KCNQ5: variants seen among roughly 807,000 people sequenced by gnomAD.
The protein encoded by KCNQ5 is potassium voltage-gated channel subfamily Q member 5, also known as potassium voltage-gated channel subfamily KQT member 5.
In KCNQ5, 30 loss-of-function variants were observed where a neutral mutation model predicts 98.2. The ratio of observed to expected loss-of-function variants is 0.31; its 90% CI spans 0.23 to 0.41. KCNQ5 has a LOEUF of 0.41. Among genes scored for constraint, KCNQ5 ranks in the 10% least tolerant of loss-of-function variants. The pLI, the probability that KCNQ5 is intolerant of heterozygous loss-of-function variation, is 1.00. For synonymous variants in KCNQ5, 458 were observed against 449.4 expected (o/e 1.02, Z -0.24); for missense variants, 835 against 1,182.5 (o/e 0.71, Z 4.31).
At chr6:72,812,923 G>A (rs987528814) in intron 1 of KCNQ5, among the ~76,000 whole-genome samples, 2 of 152,104 alleles carry the variant, frequency 1.3e-5, no homozygotes, top group African/African-American at 2.4e-5. Flanking sequence ...TCTAATTTAC[G>A]TGGATTAAAA....
At chr6:72,911,290 T>A (rs1282855852) in intron 1 of KCNQ5, among the ~76,000 whole-genome samples, 1 of 152,060 alleles carries the variant, frequency 6.6e-6, no homozygotes, top group Non-Finnish European at 1.5e-5. Flanking sequence ...GCCATTAGGG[T>A]GGAGCCCTGA....
At chr6:72,753,282 C>A (rs1441202420) in intron 1 of KCNQ5, among the ~76,000 whole-genome samples, 1 of 151,782 alleles carries the variant, frequency 6.6e-6, no homozygotes, top group Non-Finnish European at 1.5e-5. Flanking sequence ...GTGTATCATT[C>A]CCTTATTTCT....
intron 1 of KCNQ5, among the ~76,000 whole-genome samples, chr6:72,635,915 A>G (rs1011588201): frequency 4.6e-5 from 7 of 151,924 alleles, no homozygotes; most frequent in Non-Finnish European, 1.0e-4. Context: ...GGATTTTAGA[A>G]ATATAAGGGG....
chr6:72,754,853 C>T (rs1771880254), intron 1 of KCNQ5, among the ~76,000 whole-genome samples: 1 of 151,868 alleles, frequency 6.6e-6, no homozygotes, highest in Non-Finnish European at 1.5e-5. Flanking sequence ...TATATCTTTA[C>T]TGAATTTTAT....
At chr6:72,984,391 G>C (rs1462830273) in intron 1 of KCNQ5, among the ~76,000 whole-genome samples, 5 of 152,214 alleles carry the variant, frequency 3.3e-5, no homozygotes, top group Non-Finnish European at 5.9e-5. Context: ...AGGCTGCTTT[G>C]TTTACCTACT....
At chr6:72,723,109 A>G (rs1770062860) in intron 1 of KCNQ5, among the ~76,000 whole-genome samples, 1 of 151,748 alleles carries the variant, frequency 6.6e-6, no homozygotes, top group African/African-American at 2.4e-5. Flanking sequence ...TCCCACCTCA[A>G]CCTCCCCAAG....
At chr6:72,772,539 G>A (rs1298896072) in intron 1 of KCNQ5, among the ~76,000 whole-genome samples, 5 of 152,058 alleles carry the variant, frequency 3.3e-5, no homozygotes, top group African/African-American at 7.2e-5. Flanking sequence ...ACATTAACAC[G>A]TGTTAACCTT....
At chr6:72,889,790 A>G (rs1778989418) in intron 1 of KCNQ5, among the ~76,000 whole-genome samples, 1 of 152,230 alleles carries the variant, frequency 6.6e-6, no homozygotes, top group South Asian at 2.1e-4. Flanking sequence ...TAGACATTAT[A>G]TGAATATATC....
chr6:72,948,508 G>A (rs1187604095), intron 1 of KCNQ5, among the ~76,000 whole-genome samples: 1 of 151,818 alleles, frequency 6.6e-6, no homozygotes, highest in Non-Finnish European at 1.5e-5. Flanking sequence ...TCTTTTTAAT[G>A]GATTCACAGT....
chr6:72,783,743 A>T (rs973522963), intron 1 of KCNQ5, among the ~76,000 whole-genome samples: 1 of 152,238 alleles, frequency 6.6e-6, no homozygotes, highest in African/African-American at 2.4e-5. Context: ...AAAGTTCTGA[A>T]TAAACAGCTT....
At chr6:72,953,621 T>G (rs1360007654) in intron 1 of KCNQ5, among the ~76,000 whole-genome samples, 1 of 152,130 alleles carries the variant, frequency 6.6e-6, no homozygotes, top group Non-Finnish European at 1.5e-5. Flanking sequence ...TTAAAATCCC[T>G]TCATGCCCAT....
rs545353224 is a variant in KCNQ5 at position 72,924,421 on chromosome 6, G to A, written c.399-79487G>A. 7.0e-4 allele frequency among the ~76,000 whole-genome samples: 107 copies of A among 152,232 alleles called. 1 individual carries two copies. The highest frequency in any genetic ancestry group is 2.5e-3 in the African/African-American group (102 of 41,544). The stretch of plus-strand genomic sequence containing the variant: ...TAGGGTCACCAAAATCCCACTTAGA[G>A]GTCGTCACCTCACACTGAAGACTAA... On this transcript the variant is annotated intron_variant, in intron 1 of 13. Transcript: ENST00000370398.
At chr6:73,124,111 C>G (rs1051970259) in intron 8 of KCNQ5, among the ~76,000 whole-genome samples, 1 of 152,192 alleles carries the variant, frequency 6.6e-6, no homozygotes, top group Non-Finnish European at 1.5e-5. Flanking sequence ...AAACCAAAGT[C>G]TGCCAGATGC....
chr6:73,134,811 G>C (rs1452588490), intron 10 of KCNQ5: 4 of 152,278 alleles, frequency 2.6e-5, no homozygotes, highest in Admixed American at 2.6e-4. Flanking sequence ...GCTAAGGAAG[G>C]AAAAACCTCC....
At chr6:72,910,613 A>G (rs1779905260) in intron 1 of KCNQ5, among the ~76,000 whole-genome samples, 1 of 148,552 alleles carries the variant, frequency 6.7e-6, no homozygotes, top group Non-Finnish European at 1.5e-5. Context: ...TGTGGCTGAT[A>G]AATTATTGAC....
intron 1 of KCNQ5, among the ~76,000 whole-genome samples, chr6:72,769,461 A>C (rs535144392): frequency 1.3e-5 from 2 of 152,174 alleles, no homozygotes; most frequent in African/African-American, 4.8e-5. Flanking sequence ...TTCTAAAATA[A>C]AATATCGATG....
intron 10 of KCNQ5, among the ~76,000 whole-genome samples, chr6:73,156,472 A>G (rs1297237333): frequency 1.3e-5 from 2 of 152,162 alleles, no homozygotes; most frequent in African/African-American, 2.4e-5. Flanking sequence ...CATCTCTACT[A>G]AAAATAGCCA....
intron 10 of KCNQ5, among the ~76,000 whole-genome samples, chr6:73,142,666 A>G (rs1228371441): frequency 6.6e-6 from 1 of 152,212 alleles, no homozygotes; most frequent in Non-Finnish European, 1.5e-5. Context: ...CTGTAATCCC[A>G]GCACTTTGGG....
chr6:72,675,443 G>T (rs1357253505), intron 1 of KCNQ5, among the ~76,000 whole-genome samples: 3 of 152,182 alleles, frequency 2.0e-5, no homozygotes, highest in Non-Finnish European at 4.4e-5. Flanking sequence ...TTGTGCTTCT[G>T]AATTCTATTG....
Sources: allele counts gnomAD v4.1 joint callset (sites outside exome capture counted in the v4.1 genomes callset), GRCh38; gene constraint gnomAD v4.1.1; transcripts MANE v1.5; gene names NCBI Gene and HGNC (gene_info 2026-07-23, HGNC 2026-07-21).